GAREM1: variants seen among roughly 807,000 people sequenced by gnomAD.
GAREM1 encodes the protein GRB2 associated regulator of MAPK1 subtype 1.
GAREM1 carries 26 observed loss-of-function variants against 71.3 expected under a neutral mutation model. The ratio of observed to expected loss-of-function variants is 0.36; its 90% CI spans 0.27 to 0.51. The LOEUF (loss-of-function observed/expected upper bound fraction) is 0.51, where lower values mean the gene tolerates loss of function less well. Among genes scored for constraint, GAREM1 ranks in the 20% least tolerant of loss-of-function variants. The pLI is 0.95. For missense variants in GAREM1, 1,026 were observed against 1,103.1 expected (o/e 0.93, Z 0.99); for synonymous variants, 440 against 433.2 (o/e 1.02, Z -0.20).
rs558182239 is a variant in GAREM1, at chr18:32,392,971, G to T, written c.186C>A (p.Thr62=). The T allele has an allele frequency of 6.2e-6, 10 of 1,613,768 alleles. No individual in the cohort carries two copies. In the South Asian group the frequency reaches 8.8e-5, roughly 14 times the overall value. The change falls in exon 2 of 6, where the codon ACC becomes ACA. Residue 62 remains threonine (T), a synonymous_variant. Coordinates refer to ENST00000269209, the MANE Select transcript of GAREM1 (RefSeq NM_001242409.2). ...YLLIHSCRQW[T]TITAHSLEEG... The stretch of plus-strand genomic sequence containing the variant: ...CCTCCAAGCTGTGGGCAGTGATGGT[G>T]GTCCACTGGCGGCAGGAATGAATCA...
At chr18:32,398,059 T>C (rs550400858) in intron 1 of GAREM1, among the ~76,000 whole-genome samples, 1 of 152,344 alleles carries the variant, frequency 6.6e-6, no homozygotes, top group African/African-American at 2.4e-5. Context: ...TGCTCCTGAA[T>C]GACTACTGGG....
At chr18:32,311,375 T>C (rs1452479270) in intron 2 of GAREM1, among the ~76,000 whole-genome samples, 1 of 152,178 alleles carries the variant, frequency 6.6e-6, no homozygotes, top group Non-Finnish European at 1.5e-5. Flanking sequence ...ATCTACTAGG[T>C]GGAGACATTA....
chr18:32,336,895 GT>G (rs1265822638), intron 2 of GAREM1, among the ~76,000 whole-genome samples: 1 of 152,176 alleles, frequency 6.6e-6, no homozygotes, highest in African/African-American at 2.4e-5. Flanking sequence ...GACTTCACAG[GT>G]TGTTACGAGG....
intron 3 of GAREM1, 98 bp from the exon 4 acceptor site, chr18:32,288,301 A>G: frequency 1.1e-6 from 1 of 938,034 alleles, no homozygotes; most frequent in Non-Finnish European, 1.6e-6. Context: ...CACAGAGGAA[A>G]ATGCTGCGCT....
At chr18:32,394,479 G>C (rs1250850383) in intron 1 of GAREM1, among the ~76,000 whole-genome samples, 1 of 152,120 alleles carries the variant, frequency 6.6e-6, no homozygotes, top group Non-Finnish European at 1.5e-5. Flanking sequence ...AAAATACAAA[G>C]AGTTAAAAAA....
rs764816275 is a variant in GAREM1 at position 32,268,752 on chromosome 18, C to T, written c.1750G>A (p.Asp584Asn). Reference protein sequence around the residue: ...GLHNISVTKTDTNPSESTPVS... With the variant: ...GLHNISVTKTNTNPSESTPVS... The stretch of plus-strand genomic sequence containing the variant: ...GGAGTGCTTTCAGAAGGATTTGTGT[C>T]AGTTTTAGTGACGCTGCTTAAAAGC... Residue 584 changes from aspartate (D) to asparagine (N), a missense_variant, in exon 6 of 6, where the codon GAC becomes AAC. Around this residue, in one of 3 missense-constraint regions of GAREM1, gnomAD observed 636 missense variants for 631.2 expected, o/e 1.01. Transcript: ENST00000269209. 1.1e-5 allele frequency: 17 copies of T among 1,613,530 alleles called. No homozygotes were observed. In the East Asian group the frequency reaches 1.6e-4, roughly 15 times the overall value.
chr18:32,290,650 A>G (rs943459338), intron 3 of GAREM1, among the ~76,000 whole-genome samples: 2 of 151,806 alleles, frequency 1.3e-5, no homozygotes, highest in African/African-American at 4.8e-5. Context: ...CTGAAAAAAA[A>G]AAAAAAAAAA....
At chr18:32,431,834 G>GA (rs911031039) in intron 1 of GAREM1, among the ~76,000 whole-genome samples, 10 of 151,704 alleles carry the variant, frequency 6.6e-5, no homozygotes, top group African/African-American at 2.4e-4. Flanking sequence ...ACTACCTATA[G>GA]AAAAAAATGG....
intron 2 of GAREM1, among the ~76,000 whole-genome samples, chr18:32,380,177 T>C (rs943432848): frequency 6.6e-6 from 1 of 152,142 alleles, no homozygotes; most frequent in Non-Finnish European, 1.5e-5. Context: ...CTGGTTATGA[T>C]TTAGAAATCA....
chr18:32,305,581 G>A (rs1007116315), intron 3 of GAREM1, among the ~76,000 whole-genome samples: 12 of 152,088 alleles, frequency 7.9e-5, no homozygotes, highest in Non-Finnish European at 1.6e-4. Flanking sequence ...GTACAGTGGC[G>A]CGATCTTGGC....
At chr18:32,463,104 T>C (rs898648364) in intron 1 of GAREM1, among the ~76,000 whole-genome samples, 1 of 151,886 alleles carries the variant, frequency 6.6e-6, no homozygotes, top group Non-Finnish European at 1.5e-5. Context: ...AAAAGATAAA[T>C]ATTTGAGGTG....
chr18:32,457,219 G>A (rs2048899859), intron 1 of GAREM1, among the ~76,000 whole-genome samples: 1 of 129,434 alleles, frequency 7.7e-6, no homozygotes, highest in Non-Finnish European at 1.7e-5. Flanking sequence ...GAGAGAGAGA[G>A]AGAGAGAGTG....
At chr18:32,333,843 T>C (rs75007387) in intron 2 of GAREM1, among the ~76,000 whole-genome samples, 1 of 152,286 alleles carries the variant, frequency 6.6e-6, no homozygotes, top group African/African-American at 2.4e-5. Context: ...GTGTCAACAA[T>C]GGGAGCAGGA....
intron 2 of GAREM1, among the ~76,000 whole-genome samples, chr18:32,315,565 T>A (rs1408971633): frequency 6.7e-6 from 1 of 150,108 alleles, no homozygotes; most frequent in Admixed American, 6.7e-5. Context: ...TTGCATTAAG[T>A]CTTTCAAATC....
chr18:32,451,627 A>G (rs1176800857), intron 1 of GAREM1, among the ~76,000 whole-genome samples: 1 of 152,180 alleles, frequency 6.6e-6, no homozygotes. Context: ...TTTTGCCTAG[A>G]GGCCCTCTTT....
chr18:32,330,572 T>A (rs1017795981), intron 2 of GAREM1, among the ~76,000 whole-genome samples: 2 of 151,992 alleles, frequency 1.3e-5, no homozygotes, highest in African/African-American at 4.8e-5. Context: ...TAATGCTAAA[T>A]GAAAAACATG....
chr18:32,341,200 T>C (rs1259392971), intron 2 of GAREM1, among the ~76,000 whole-genome samples: 1 of 152,172 alleles, frequency 6.6e-6, no homozygotes, highest in Non-Finnish European at 1.5e-5. Context: ...CATTGTTCAA[T>C]TCCCACCTGT....
chr18:32,355,732 G>A (rs957028553), intron 2 of GAREM1, among the ~76,000 whole-genome samples: 2 of 152,052 alleles, frequency 1.3e-5, no homozygotes, highest in East Asian at 3.9e-4. Flanking sequence ...ATGTTGACAG[G>A]TGAAAAACAT....
At chr18:32,438,180 A>G (rs1466763857) in intron 1 of GAREM1, among the ~76,000 whole-genome samples, 1 of 152,168 alleles carries the variant, frequency 6.6e-6, no homozygotes, top group Non-Finnish European at 1.5e-5. Flanking sequence ...AATAAGGAAG[A>G]GAGAAGGCCT....
Sources: gnomAD v4.1 joint callset for allele counts (sites outside exome capture counted in the v4.1 genomes callset) on GRCh38, gnomAD v4.1.1 for gene constraint, gnomAD v4.1.1 regional missense constraint, MANE v1.5 for transcripts, NCBI Gene and HGNC (gene_info 2026-07-23, HGNC 2026-07-21) for gene names.